Variants in SVOPL observed in about 807,000 individuals in gnomAD.
SVOPL encodes putative transporter SVOPL.
A neutral mutation model predicts 61.0 loss-of-function variants in SVOPL; 60 were observed. The observed-to-expected ratio is 0.98, with a 90% confidence interval of 0.80 to 1.22. The LOEUF (loss-of-function observed/expected upper bound fraction) is 1.22, where lower values mean the gene tolerates loss of function less well. Ranked by LOEUF, SVOPL falls within the 50% of genes most tolerant of loss-of-function variation. The pLI is 0.00. For synonymous variants in SVOPL, 279 were observed against 250.0 expected (o/e 1.12, Z -1.09); for missense variants, 662 against 643.9 (o/e 1.03, Z -0.30).
chr7:138,636,588 G>A (rs1029560421), intron 9 of SVOPL, among the ~76,000 whole-genome samples: 7 of 150,612 alleles, frequency 4.6e-5, no homozygotes, highest in South Asian at 4.2e-4. Flanking sequence ...CTCGTGCCTC[G>A]GCCTCCCAAG....
At chr7:138,649,201 G>C in intron 7 of SVOPL, 64 bp from the exon 8 acceptor site, 1 of 1,505,852 alleles carries the variant, frequency 6.6e-7, no homozygotes, top group Non-Finnish European at 8.9e-7. Context: ...AAAAAAAAAG[G>C]AAAAATATAT....
At position 138,619,563 on chromosome 7, in the gene SVOPL, A is replaced by T. The variant is rs1279268871; in HGVS notation, c.1353+1483T>A. ...GATTAGCTTGGTTTCTCAGATGTTAAAAAAAAAAAAAAAAAAAAAAAAAAA... is the reference window on the plus strand; with the variant it reads ...GATTAGCTTGGTTTCTCAGATGTTATAAAAAAAAAAAAAAAAAAAAAAAAA... On this transcript the variant is annotated intron_variant, in intron 14 of 15. Coordinates refer to ENST00000674285, the MANE Select transcript of SVOPL (RefSeq NM_001139456.2). Among the ~76,000 whole-genome samples, 255 of 115,484 alleles carry T rather than the reference A, an allele frequency of 2.2e-3. 4 individuals carry two copies. In the South Asian group the frequency reaches 0.035, roughly 16 times the overall value. The allele number at this position is 115,484 out of a possible 152,430, so 75.8% of individuals were successfully genotyped here. A position where few individuals can be genotyped will look rare whatever the true frequency, so the allele number is the denominator to read the frequency against.
intron 14 of SVOPL, among the ~76,000 whole-genome samples, chr7:138,616,030 C>T (rs1282263757): frequency 2.0e-5 from 3 of 151,664 alleles, no homozygotes; most frequent in African/African-American, 7.3e-5. Flanking sequence ...AAACTCTTTC[C>T]CCTCTTTCTG....
At chr7:138,616,946 C>G (rs1799328913) in intron 14 of SVOPL, among the ~76,000 whole-genome samples, 1 of 152,114 alleles carries the variant, frequency 6.6e-6, no homozygotes, top group Non-Finnish European at 1.5e-5. Flanking sequence ...GCCATCATGC[C>G]TGGCTGGAAC....
intron 9 of SVOPL, among the ~76,000 whole-genome samples, chr7:138,635,365 G>A (rs1800420587): frequency 6.6e-6 from 1 of 151,348 alleles, no homozygotes; most frequent in South Asian, 2.1e-4. Context: ...CTGGTTGGAG[G>A]AGGAAAATGA....
chr7:138,643,438 A>G (rs1800935528), intron 9 of SVOPL, among the ~76,000 whole-genome samples: 2 of 150,914 alleles, frequency 1.3e-5, no homozygotes, highest in East Asian at 1.9e-4. Flanking sequence ...AAAAAAAAAA[A>G]AAAAGAAAGT....
chr7:138,620,906 A>G, intron 14 of SVOPL, 140 bp downstream of exon 14: 1 of 781,910 alleles, frequency 1.3e-6, no homozygotes, highest in South Asian at 1.6e-5. Context: ...TAAATCCACC[A>G]AACAGCAGGG....
chr7:138,627,694 T>C (rs1190190806), intron 11 of SVOPL, among the ~76,000 whole-genome samples: 1 of 152,192 alleles, frequency 6.6e-6, no homozygotes, highest in Non-Finnish European at 1.5e-5. Context: ...ACTTATTATA[T>C]CATACAGGTC....
chr7:138,606,452 T>G (rs914345667), intron 14 of SVOPL, among the ~76,000 whole-genome samples: 5 of 152,174 alleles, frequency 3.3e-5, no homozygotes, highest in African/African-American at 1.2e-4. Flanking sequence ...GTAACTGCCC[T>G]TATCTGTGCA....
At chr7:138,631,484 C>T (rs1351684582) in intron 9 of SVOPL, among the ~76,000 whole-genome samples, 2 of 152,106 alleles carry the variant, frequency 1.3e-5, no homozygotes, top group Non-Finnish European at 2.9e-5. Flanking sequence ...TTCCACTATT[C>T]TTCCCAATCT....
chr7:138,659,911 G>A lies in SVOPL; in HGVS notation c.423C>T (p.Val141=). ...TSFAPSYIWF[V]FLRTMVGCGV... ...CACAGCCCACCATCGTCCGCAGGAA[G>A]ACAAACCAGATGTACGAAGGAGCAA... is the stretch of plus-strand genomic sequence containing the variant. The change falls in exon 6 of 16, where the codon GTC becomes GTT. Residue 141 remains valine (V), a synonymous_variant. Transcript: ENST00000674285. 1 of 1,551,582 alleles carries A rather than the reference G, an allele frequency of 6.4e-7. No individual in the cohort carries two copies. Among genetic ancestry groups the A allele is most frequent in the Non-Finnish European group, 8.7e-7 (1 of 1,146,992 alleles).
chr7:138,663,505 G>A, intron 4 of SVOPL: 1 of 1,028,392 alleles, frequency 9.7e-7, no homozygotes, highest in Non-Finnish European at 1.2e-6. Flanking sequence ...TACACAAATT[G>A]GGGCCACTAG....
At chr7:138,693,228 A>T (rs139206284) in intron 1 of SVOPL, among the ~76,000 whole-genome samples, 1,803 of 152,214 alleles carry the variant, frequency 0.012, 37 homozygotes, top group African/African-American at 0.042. Context: ...ATTTCTTGCC[A>T]GGTGTGGTGG....
intron 14 of SVOPL, among the ~76,000 whole-genome samples, chr7:138,611,648 G>T (rs1035965941): frequency 1.3e-5 from 2 of 151,914 alleles, no homozygotes; most frequent in Non-Finnish European, 2.9e-5. Flanking sequence ...AGGACAAAAA[G>T]ATCATCTTTC....
chr7:138,671,961 G>C (rs921355939), intron 4 of SVOPL, 58 bp downstream of exon 4: 252 of 1,488,722 alleles, frequency 1.7e-4, no homozygotes, highest in Non-Finnish European at 2.2e-4. Context: ...GCAGGATGGA[G>C]GAAAGGGAGC....
intron 5 of SVOPL, chr7:138,661,911 G>T (rs959032045): frequency 2.0e-6 from 2 of 985,198 alleles, no homozygotes; most frequent in African/African-American, 1.7e-5. Flanking sequence ...GGCATAGCTG[G>T]CAAGGTTCAG....
intron 9 of SVOPL, among the ~76,000 whole-genome samples, chr7:138,638,483 G>C (rs551624437): frequency 6.6e-6 from 1 of 152,076 alleles, no homozygotes; most frequent in Admixed American, 6.6e-5. Context: ...ACAATAATTG[G>C]CAAGATCATA....
intron 8 of SVOPL, 42 bp from the exon 9 acceptor site, chr7:138,644,887 T>C (rs1473418582): frequency 6.8e-6 from 11 of 1,613,316 alleles, no homozygotes; most frequent in Non-Finnish European, 9.3e-6. Flanking sequence ...GCCACTGCTA[T>C]AGAACCCAGG....
Position 138,621,133 on chromosome 7 carries a change from G to GACC in SVOPL, c.1264-1_1265dup (p.Val422dup). The GACC allele has an allele frequency of 6.2e-7, 1 of 1,612,384 alleles. No homozygotes were observed. Among genetic ancestry groups the GACC allele is most frequent in the Non-Finnish European group, 8.5e-7 (1 of 1,179,342 alleles). ...CCAAAGCGCGCATCGTGGTGGGGTA[G>GACC]ACCTGCAGGGAGAGGCACGGAAAGT... On this transcript the variant is annotated inframe_insertion and splice_region_variant, in exon 14 of 16. Transcript: ENST00000674285.
Sources: gnomAD v4.1 joint callset for allele counts (sites outside exome capture counted in the v4.1 genomes callset) on GRCh38, gnomAD v4.1.1 for gene constraint, MANE v1.5 for transcripts, NCBI Gene and HGNC (gene_info 2026-07-23, HGNC 2026-07-21) for gene names.